The following ZFR variants were observed in gnomAD, a reference collection of about 807,000 sequenced individuals.
ZFR encodes the protein zinc finger RNA binding protein, also known as zinc finger RNA-binding protein.
A neutral mutation model predicts 130.7 loss-of-function variants in ZFR; 19 were observed. The observed-to-expected ratio is 0.15, with a 90% confidence interval of 0.10 to 0.21. ZFR has a LOEUF of 0.21. ZFR is among the 10% of genes least tolerant of loss of function. The probability of loss-of-function intolerance (pLI) is 1.00; values close to 1 mark genes in which losing one functional copy is unlikely to be tolerated. For missense variants in ZFR, 872 were observed against 1,321.5 expected (o/e 0.66, Z 5.27); for synonymous variants, 466 against 456.9 (o/e 1.02, Z -0.25).
At chr5:32,387,774 G>A (rs1054312111) in intron 13 of ZFR, 75 bp from the exon 14 acceptor site, 17 of 1,375,880 alleles carry the variant, frequency 1.2e-5, no homozygotes, top group South Asian at 1.7e-5. Context: ...ACATACAATA[G>A]TAAGTGAAAT....
At chr5:32,372,682 AATT>A (rs1752700433) in intron 17 of ZFR, among the ~76,000 whole-genome samples, 1 of 151,978 alleles carries the variant, frequency 6.6e-6, no homozygotes, top group Non-Finnish European at 1.5e-5. Context: ...AAAATACAAA[AATT>A]ATCCAGACAT....
intron 6 of ZFR, 78 bp from the exon 7 acceptor site, chr5:32,404,175 T>G: frequency 7.7e-7 from 1 of 1,304,640 alleles, no homozygotes; most frequent in South Asian, 1.6e-5. Context: ...TCAAGAAATC[T>G]CTAATACTCA....
Position 32,364,122 on chromosome 5 carries a change from G to A in ZFR, c.2947+42C>T, listed in dbSNP as rs1210592188. The A allele has an allele frequency of 3.1e-6, 5 of 1,594,946 alleles. No individual in the cohort carries two copies. In the African/African-American group the frequency reaches 5.4e-5, roughly 17 times the overall value. ...AAAAAATTATTCAACCAGCAAATGA[G>A]TAAACTTCATTTTACTTCATTAAAA... is the stretch of plus-strand genomic sequence containing the variant. On this transcript the variant is annotated intron_variant, in intron 18 of 19. Transcript: ENST00000265069.
intron 6 of ZFR, among the ~76,000 whole-genome samples, chr5:32,404,521 A>G (rs1753536872): frequency 6.6e-6 from 1 of 152,218 alleles, no homozygotes; most frequent in African/African-American, 2.4e-5. Context: ...GTGGAACAAG[A>G]TTCTTTACAA....
intron 19 of ZFR, among the ~76,000 whole-genome samples, chr5:32,359,317 TC>T (rs1285113597): frequency 4.0e-4 from 61 of 150,796 alleles, no homozygotes; most frequent in Non-Finnish European, 6.3e-4. Flanking sequence ...TTTTTTTTTT[TC>T]TTTTTAGCCC....
rs571892188 is a variant in ZFR at position 32,367,407 on chromosome 5, C to A, written c.2836-3132G>T. On this transcript the variant is annotated intron_variant, in intron 17 of 19. Coordinates refer to ENST00000265069, the MANE Select transcript of ZFR (RefSeq NM_016107.5). The stretch of plus-strand genomic sequence containing the variant: ...CTGAGATCACGCCACTGCACTCCAG[C>A]CTGGGCGACAAGAGTGAAACTCCAT... Among the ~76,000 whole-genome samples, 8 of 151,894 alleles carry A rather than the reference C, an allele frequency of 5.3e-5. No homozygotes were observed. In the South Asian group the frequency reaches 1.5e-3, roughly 28 times the overall value.
In ZFR at chr5:32,415,012, A is replaced by G. The variant is rs1753788027; in HGVS notation, c.741T>C (p.Tyr247=). The change falls in exon 5 of 20, where the codon TAT becomes TAC. Residue 247 remains tyrosine (Y), a synonymous_variant. Coordinates refer to ENST00000265069, the MANE Select transcript of ZFR (RefSeq NM_016107.5). ...VAAAATVVPS[Y]TQSATYSTTA... ...TGGTACTGTAAGTAGCACTCTGAGT[A>G]TAGGATGGCACCACAGTAGCCGCAG... 1.2e-6 allele frequency: 2 copies of G among 1,614,028 alleles called. No homozygotes were observed. The highest frequency in any genetic ancestry group is 8.5e-7 in the Non-Finnish European group (1 of 1,179,916).
intron 9 of ZFR, among the ~76,000 whole-genome samples, 181 bp downstream of exon 9, chr5:32,399,826 G>A (rs1333935708): frequency 6.6e-6 from 1 of 152,110 alleles, no homozygotes; most frequent in Non-Finnish European, 1.5e-5. Flanking sequence ...AAATCATTAT[G>A]ATGTCACTTA....
intron 10 of ZFR, among the ~76,000 whole-genome samples, chr5:32,396,698 C>G (rs984762149): frequency 3.3e-5 from 5 of 152,036 alleles, no homozygotes; most frequent in African/African-American, 9.7e-5. Context: ...GAGCCGAGAT[C>G]ATGCCACTGC....
chr5:32,434,794 TAA>T (rs201169015), intron 2 of ZFR, among the ~76,000 whole-genome samples: 3,297 of 152,248 alleles, frequency 0.022, 47 homozygotes, highest in Non-Finnish European at 0.035. Context: ...CTCTAAGAAA[TAA>T]AAGTCATGGA....
Position 32,439,903 on chromosome 5 carries a change from T to G in ZFR, c.137+4326A>C, listed in dbSNP as rs571539393. On this transcript the variant is annotated intron_variant, in intron 2 of 19. Transcript: ENST00000265069. The stretch of plus-strand genomic sequence containing the variant: ...ATTTTATAACGTTTATTACATATGC[T>G]TTTATAAATGTATATGCCACGAATT... 4.3e-4 allele frequency among the ~76,000 whole-genome samples: 65 copies of G among 152,046 alleles called. 1 individual carries two copies. Among genetic ancestry groups the G allele is most frequent in the African/African-American group, 1.5e-3 (63 of 41,470 alleles).
At chr5:32,398,014 C>T (rs1753358310) in intron 9 of ZFR, among the ~76,000 whole-genome samples, 1 of 151,766 alleles carries the variant, frequency 6.6e-6, no homozygotes, top group East Asian at 1.9e-4. Context: ...CCCACCACCA[C>T]GCCCAGCTAA....
intron 12 of ZFR, among the ~76,000 whole-genome samples, chr5:32,389,195 A>G (rs1234358437): frequency 1.3e-5 from 2 of 152,184 alleles, no homozygotes; most frequent in Admixed American, 6.5e-5. Flanking sequence ...TCTTAATAAC[A>G]CATCAACTCT....
intron 15 of ZFR, among the ~76,000 whole-genome samples, chr5:32,384,443 T>C (rs993561184): frequency 1.3e-5 from 2 of 152,204 alleles, no homozygotes; most frequent in Non-Finnish European, 2.9e-5. Context: ...TAAAATGTTC[T>C]TTTCCTGGGT....
chr5:32,412,699 G>A (rs548423099), intron 5 of ZFR, among the ~76,000 whole-genome samples: 2 of 152,270 alleles, frequency 1.3e-5, no homozygotes, highest in East Asian at 3.9e-4. Context: ...AGAATTCAGG[G>A]CAAAGTACCA....
chr5:32,359,624 C>CAT (rs779239675), intron 19 of ZFR, among the ~76,000 whole-genome samples: 2 of 152,146 alleles, frequency 1.3e-5, no homozygotes, highest in Non-Finnish European at 2.9e-5. Flanking sequence ...AGTATAGAAA[C>CAT]ATTGTGTATG....
At chr5:32,441,987 A>C (rs1399743794) in intron 2 of ZFR, among the ~76,000 whole-genome samples, 2 of 152,204 alleles carry the variant, frequency 1.3e-5, no homozygotes, top group Non-Finnish European at 2.9e-5. Context: ...AAATTCTGTC[A>C]CAGTTCCCTA....
intron 2 of ZFR, among the ~76,000 whole-genome samples, chr5:32,436,460 T>A (rs1581719149): frequency 6.6e-6 from 1 of 152,150 alleles, no homozygotes; most frequent in South Asian, 2.1e-4. Context: ...CCCATAGTTG[T>A]ATTCTTTATT....
chr5:32,404,267 C>T (rs538680454), intron 6 of ZFR, among the ~76,000 whole-genome samples, 170 bp from the exon 7 acceptor site: 16 of 152,208 alleles, frequency 1.1e-4, no homozygotes, highest in African/African-American at 3.9e-4. Flanking sequence ...ATCTATGGTT[C>T]TCTGTATCTT....
Sources: gnomAD v4.1 joint callset for allele counts (sites outside exome capture counted in the v4.1 genomes callset) on GRCh38, gnomAD v4.1.1 for gene constraint, MANE v1.5 for transcripts, NCBI Gene and HGNC (gene_info 2026-07-23, HGNC 2026-07-21) for gene names.